HINT1: variants seen among roughly 807,000 people sequenced by gnomAD.
The protein encoded by HINT1 is adenosine 5'-monophosphoramidase HINT1.
Under a neutral mutation model 11.2 loss-of-function variants are expected in HINT1, and 12 were observed. The observed-to-expected ratio is 1.07, with a 90% CI of 0.69 to 1.74. The LOEUF (loss-of-function observed/expected upper bound fraction) is 1.74, where lower values mean the gene tolerates loss of function less well. HINT1 is among the 40% of genes most tolerant of loss of function. The pLI, the probability that HINT1 is intolerant of heterozygous loss-of-function variation, is 0.00. For missense variants in HINT1, 150 were observed against 161.8 expected, an observed-to-expected ratio of 0.93 and a Z score of 0.40; for synonymous variants, 42 against 52.6, an observed-to-expected ratio of 0.80 and a Z score of 0.87.
chr5:131,163,278 C>G (rs1323070712), intron 1 of HINT1, among the ~76,000 whole-genome samples: 1 of 152,196 alleles, frequency 6.6e-6, no homozygotes. Context: ...GAGGCAGTGA[C>G]ATTTAAACTG....
Position 131,159,293 on chromosome 5 carries a change from G to A in HINT1, c.*154C>T. 1 of 570,864 alleles carries A rather than the reference G, an allele frequency of 1.8e-6. No homozygotes were observed. Among genetic ancestry groups the A allele is most frequent in the Non-Finnish European group, 3.1e-6 (1 of 321,760 alleles). The allele number at this position is 570,864 out of a possible 1,614,324, so 35.4% of individuals were successfully genotyped here. A position where few individuals can be genotyped will look rare whatever the true frequency, so the allele number is the denominator to read the frequency against. ...AACGCAACACTCAGAGAGACTATAA[G>A]CCATGCAACAATGTCTTTTATTATG... is the stretch of plus-strand genomic sequence containing the variant. On this transcript the variant is annotated 3_prime_UTR_variant, in exon 3 of 3. Coordinates refer to ENST00000304043, the MANE Select transcript of HINT1 (RefSeq NM_005340.7).
intron 2 of HINT1, chr5:131,162,097 G>A (rs1174375481): frequency 2.6e-5 from 8 of 309,596 alleles, no homozygotes; most frequent in African/African-American, 1.1e-4. Flanking sequence ...AGGCCGAGGC[G>A]GGCGGATCAC....
chr5:131,159,685 C>T (rs1755200614), intron 2 of HINT1, 74 bp from the exon 3 acceptor site: 2 of 1,375,238 alleles, frequency 1.5e-6, no homozygotes, highest in Admixed American at 4.1e-5. Flanking sequence ...AACTGTCAAG[C>T]TGAAATATCA....
Position 131,159,283 on chromosome 5 carries a change from G to C in HINT1, c.*164C>G. 1 of 530,000 alleles carries C rather than the reference G, an allele frequency of 1.9e-6. No individual in the cohort carries two copies. Among genetic ancestry groups the C allele is most frequent in the Admixed American group, 3.3e-5 (1 of 30,196 alleles). 32.8% of individuals were successfully genotyped at this position (530,000 alleles called of 1,614,324 possible). A position where few individuals can be genotyped will look rare whatever the true frequency, so the allele number is the denominator to read the frequency against. ...TAACAAATCAAACGCAACACTCAGA[G>C]AGACTATAAGCCATGCAACAATGTC... On this transcript the variant is annotated 3_prime_UTR_variant, in exon 3 of 3. Transcript: ENST00000304043.
intron 1 of HINT1, among the ~76,000 whole-genome samples, chr5:131,164,538 C>T (rs1301980124): frequency 6.6e-6 from 1 of 152,198 alleles, no homozygotes; most frequent in Non-Finnish European, 1.5e-5. Flanking sequence ...GCAAGCCGCA[C>T]CCCGCGGAGG....
intron 2 of HINT1, among the ~76,000 whole-genome samples, chr5:131,159,936 C>T (rs888467423): frequency 5.9e-5 from 9 of 152,214 alleles, no homozygotes; most frequent in East Asian, 1.9e-4. Flanking sequence ...ACTGCAGCCT[C>T]GACCTCCCAG....
chr5:131,159,174 T>G lies in HINT1; in HGVS notation c.*273A>C, dbSNP rs1413185637. 3.3e-6 allele frequency: 1 copy of G among 303,948 alleles called. No homozygotes were observed. The highest frequency in any genetic ancestry group is 2.1e-5 in the African/African-American group (1 of 47,568). The allele number at this position is 303,948 out of a possible 1,614,324, so 18.8% of individuals were successfully genotyped here. A position where few individuals can be genotyped will look rare whatever the true frequency, so the allele number is the denominator to read the frequency against. ...TTAAAACAATGCGATGTTCATATGT[T>G]GAGTCCTCCTTGGGAAGAAAAAGCA... On this transcript the variant is annotated 3_prime_UTR_variant, in exon 3 of 3. Transcript: ENST00000304043.
rs1333442231 is a variant in HINT1 at position 131,159,279 on chromosome 5, CAG to C, written c.*166_*167del. On this transcript the variant is annotated 3_prime_UTR_variant, in exon 3 of 3. Coordinates refer to ENST00000304043, the MANE Select transcript of HINT1 (RefSeq NM_005340.7). Reference sequence around the variant, plus strand: ...AAAATAACAAATCAAACGCAACACTCAGAGAGACTATAAGCCATGCAACAATG... The same window carrying C: ...AAAATAACAAATCAAACGCAACACTCAGAGACTATAAGCCATGCAACAATG... 4 of 527,048 alleles carry C rather than the reference CAG, an allele frequency of 7.6e-6. No individual in the cohort carries two copies. Among genetic ancestry groups the C allele is most frequent in the South Asian group, 3.7e-5 (1 of 27,392 alleles). The allele number at this position is 527,048 out of a possible 1,614,324, so 32.6% of individuals were successfully genotyped here.
intron 2 of HINT1, chr5:131,162,121 C>A (rs982892430): frequency 2.8e-6 from 1 of 359,324 alleles, no homozygotes; most frequent in Non-Finnish European, 5.0e-6. Flanking sequence ...GTCAGGAAAT[C>A]GAAACTATCC....
chr5:131,164,785 G>A (rs1405837244), intron 1 of HINT1, among the ~76,000 whole-genome samples: 2 of 152,052 alleles, frequency 1.3e-5, no homozygotes, highest in African/African-American at 4.8e-5. Flanking sequence ...GGGAACCGGC[G>A]GGCTTCCACG....
At position 131,159,424 on chromosome 5, in the gene HINT1, A is replaced by T. The variant is rs1755192460; in HGVS notation, c.*23T>A. On this transcript the variant is annotated 3_prime_UTR_variant, in exon 3 of 3. Transcript: ENST00000304043. ...CTAACTTAATCATTGCCTAAAGAAG[A>T]GAAAATTATCCCCAAAACGTGCTTA... is the stretch of plus-strand genomic sequence containing the variant. The T allele has an allele frequency of 6.2e-7, 1 of 1,606,458 alleles. No individual in the cohort carries two copies. The highest frequency in any genetic ancestry group is 8.5e-7 in the Non-Finnish European group (1 of 1,177,102).
intron 1 of HINT1, among the ~76,000 whole-genome samples, chr5:131,164,300 C>CAAAA (rs1755333436): frequency 6.6e-6 from 1 of 152,190 alleles, no homozygotes; most frequent in Non-Finnish European, 1.5e-5. Context: ...TGGGATTTCA[C>CAAAA]CTACAAGAAG....
chr5:131,165,044 C>T (rs1755361442), intron 1 of HINT1, 51 bp downstream of exon 1: 13 of 1,610,732 alleles, frequency 8.1e-6, no homozygotes, highest in Non-Finnish European at 1.1e-5. Context: ...CCCGAGGATC[C>T]GCGGACGATA....
At chr5:131,164,512 G>A (rs906945956) in intron 1 of HINT1, among the ~76,000 whole-genome samples, 2 of 152,206 alleles carry the variant, frequency 1.3e-5, no homozygotes, top group Admixed American at 1.3e-4. Flanking sequence ...TAGGGATAGG[G>A]GTAGGGGTGA....
intron 2 of HINT1, among the ~76,000 whole-genome samples, chr5:131,160,024 G>T (rs1024551412): frequency 2.0e-5 from 3 of 151,920 alleles, no homozygotes; most frequent in Non-Finnish European, 4.4e-5. Flanking sequence ...GCTAATTTTT[G>T]TATTTTTTTG....
At chr5:131,159,758 A>C (rs879413507) in intron 2 of HINT1, 147 bp from the exon 3 acceptor site, 3 of 667,220 alleles carry the variant, frequency 4.5e-6, no homozygotes, top group Non-Finnish European at 7.7e-6. Context: ...CTTAATCCCA[A>C]CAGAGCATAA....
chr5:131,163,750 T>G (rs1260781225), intron 1 of HINT1, among the ~76,000 whole-genome samples: 1 of 152,234 alleles, frequency 6.6e-6, no homozygotes, highest in African/African-American at 2.4e-5. Flanking sequence ...TTAGACTAAT[T>G]ATTTAAAACA....
rs1344585939 is a variant in HINT1, at chr5:131,165,103, C to A, written c.103G>T (p.Asp35Tyr). The change falls in exon 1 of 3, where the codon GAT (aspartate) becomes TAT (tyrosine). Residue 35 changes from aspartate (D) to tyrosine (Y), a missense_variant. By Grantham distance (160) the Asp-to-Tyr change is radical. Transcript: ENST00000304043. ...KEIPAKIIFE[D>Y]DRCLAFHDIS... ...TGGTGCCCAGTACCTACCCGGTCAT[C>A]CTCAAAAATGATTTTGGCTGGTATT... is the stretch of plus-strand genomic sequence containing the variant. 4.3e-6 allele frequency: 7 copies of A among 1,613,730 alleles called. No homozygotes were observed. In the Admixed American group the frequency reaches 1.0e-4, roughly 23 times the overall value.
chr5:131,162,652 G>T lies in HINT1; in HGVS notation c.136C>A (p.Pro46Thr). 1 of 1,611,450 alleles carries T rather than the reference G, an allele frequency of 6.2e-7. No homozygotes were observed. The highest frequency in any genetic ancestry group is 8.5e-7 in the Non-Finnish European group (1 of 1,178,074). The part of the protein sequence containing the change: ...DRCLAFHDIS[P>T]QAPTHFLVIP... ...ACCAGAAAATGTGTTGGTGCTTGAG[G>T]GGAAATGTCATGGAAAGCAAGGCAC... Residue 46 changes from proline (P) to threonine (T), a missense_variant, in exon 2 of 3, where the codon CCT (proline) becomes ACT (threonine). By Grantham distance (38) the Pro-to-Thr change is conservative. Transcript: ENST00000304043.
Sources: allele counts gnomAD v4.1 joint callset (sites outside exome capture counted in the v4.1 genomes callset), GRCh38; gene constraint gnomAD v4.1.1; transcripts MANE v1.5; gene names NCBI Gene and HGNC (gene_info 2026-07-23, HGNC 2026-07-21).